The following YIPF6 variants were observed in gnomAD, a reference collection of about 807,000 sequenced individuals.
YIPF6 encodes the protein protein YIPF6.
YIPF6 carries 3 observed loss-of-function variants against 16.8 expected under a neutral mutation model. That is an observed-to-expected ratio of 0.18 (90% confidence interval 0.08 to 0.46). The LOEUF is 0.46. Ranked by LOEUF, YIPF6 falls within the 20% of genes least tolerant of loss-of-function variation. The pLI is 0.98. For missense variants in YIPF6, 145 were observed against 184.9 expected, an observed-to-expected ratio of 0.78 and a Z score of 1.25; for synonymous variants, 67 against 61.9, an observed-to-expected ratio of 1.08 and a Z score of -0.38.
At position 68,521,430 on chromosome X, in the gene YIPF6, G is replaced by C. The variant is rs1262536093; in HGVS notation, c.367G>C (p.Val123Leu). The change falls in exon 5 of 7, where the codon GTG becomes CTG. Residue 123 changes from valine (V) to leucine (L), a missense_variant. By Grantham distance (32) the Val-to-Leu change is conservative. Transcript: ENST00000462683. ...AGATGGAGGGCCCCAATTTGCAGAGGTGTTTGTCATTGTCTGGTTTGGTGC... is the reference window on the plus strand; with the variant it reads ...AGATGGAGGGCCCCAATTTGCAGAGCTGTTTGTCATTGTCTGGTTTGGTGC... ...EKDGGPQFAE[V>L]FVIVWFGAVT... 8.3e-7 allele frequency: 1 copy of C among 1,211,055 alleles called. No individual in the cohort carries two copies. The highest frequency in any genetic ancestry group is 1.7e-5 in the African/African-American group (1 of 57,758).
intron 6 of YIPF6, among the ~76,000 whole-genome samples, chrX:68,530,187 T>C (rs762121757): frequency 1.8e-5 from 2 of 111,154 alleles, no homozygotes; most frequent in African/African-American, 3.3e-5. Flanking sequence ...TCTAGAGAGG[T>C]AGTCTGGCTA....
intron 1 of YIPF6, among the ~76,000 whole-genome samples, chrX:68,502,485 C>G (rs1225978946): frequency 9.0e-6 from 1 of 111,286 alleles, no homozygotes; most frequent in Non-Finnish European, 1.9e-5. Flanking sequence ...GCTGCTGCTC[C>G]CAGTACCACA....
chrX:68,510,198 C>A (rs893060217), intron 1 of YIPF6, among the ~76,000 whole-genome samples: 2 of 111,604 alleles, frequency 1.8e-5, no homozygotes, highest in Non-Finnish European at 3.8e-5. Flanking sequence ...GTCTTTCCAG[C>A]TTCCTATATC....
At chrX:68,499,237 C>T (rs1389609937) in intron 1 of YIPF6, 114 bp downstream of exon 1, 1 of 965,934 alleles carries the variant, frequency 1.0e-6, no homozygotes, top group African/African-American at 2.0e-5. Flanking sequence ...CCGGCAGGCC[C>T]TTCTTGTACC....
Position 68,508,243 on chromosome X carries a change from G to A in YIPF6, c.58-3606G>A, listed in dbSNP as rs144792064. On this transcript the variant is annotated intron_variant, in intron 1 of 6. Coordinates refer to ENST00000462683, the MANE Select transcript of YIPF6 (RefSeq NM_173834.4). ...AGCCTTCTGAGTAGCTGGGACTAGA[G>A]GTGTGTGCCACCACTCCTGGCTAAT... 5.4e-3 allele frequency among the ~76,000 whole-genome samples: 586 copies of A among 108,782 alleles called. 30 individuals are homozygous for A. In the East Asian group the frequency reaches 0.14, roughly 26 times the overall value. The allele number at this position is 108,782 out of a possible 115,157, so 94.5% of individuals were successfully genotyped here. A position where few individuals can be genotyped will look rare whatever the true frequency, so the allele number is the denominator to read the frequency against.
rs1777562276 is a variant in YIPF6, at chrX:68,535,711, T to C, written c.*3712T>C. On this transcript the variant is annotated 3_prime_UTR_variant, in exon 7 of 7. Coordinates refer to ENST00000462683, the MANE Select transcript of YIPF6 (RefSeq NM_173834.4). ...GCTAACCTTTATTTGGCACTTACTG[T>C]GTGCCAGGCACTATTCTATTTTTTT... is the stretch of plus-strand genomic sequence containing the variant. 2 of 111,968 alleles carry C rather than the reference T, an allele frequency of 1.8e-5. No individual in the cohort carries two copies. Among genetic ancestry groups the C allele is most frequent in the African/African-American group, 3.2e-5 (1 of 30,846 alleles). 9.2% of individuals were successfully genotyped at this position (111,968 alleles called of 1,213,427 possible).
chrX:68,531,946 T>A lies in YIPF6; in HGVS notation c.658T>A (p.Phe220Ile), dbSNP rs765478008. The change falls in exon 7 of 7, where the codon TTC (phenylalanine) becomes ATC (isoleucine). Residue 220 changes from phenylalanine (F) to isoleucine (I), a missense_variant. Phe to Ile is a conservative substitution (Grantham distance 21, BLOSUM62 0). Transcript: ENST00000462683. ...CAGAGCCCTAGCTGTTTATCCTGTT[T>A]TCCTGTTTTACTTTGTCATCAGTTG... ...NRRALAVYPV[F>I]LFYFVISWMI... The A allele has an allele frequency of 8.3e-7, 1 of 1,206,863 alleles. No individual in the cohort carries two copies. Among genetic ancestry groups the A allele is most frequent in the Non-Finnish European group, 1.1e-6 (1 of 892,409 alleles).
At chrX:68,520,917 T>C (rs2079123027) in intron 4 of YIPF6, among the ~76,000 whole-genome samples, 1 of 111,730 alleles carries the variant, frequency 9.0e-6, no homozygotes, top group Admixed American at 9.6e-5. Flanking sequence ...TTACACTTGA[T>C]TGTTGCAGTG....
At chrX:68,521,763 AT>A (rs1031772343) in intron 5 of YIPF6, among the ~76,000 whole-genome samples, 65 of 103,905 alleles carry the variant, frequency 6.3e-4, no homozygotes, top group African/African-American at 1.5e-3. Flanking sequence ...AATTAAAAAA[AT>A]TTTTTTTTTT....
At chrX:68,527,373 T>G (rs1275542192) in intron 6 of YIPF6, among the ~76,000 whole-genome samples, 1 of 111,886 alleles carries the variant, frequency 8.9e-6, no homozygotes, top group Non-Finnish European at 1.9e-5. Context: ...TTTTCTTCTT[T>G]ATTAGTCTGG....
Position 68,505,756 on chromosome X carries a change from A to AT in YIPF6, c.58-6085dup, listed in dbSNP as rs899231953. Among the ~76,000 whole-genome samples, 17 of 111,566 alleles carry AT rather than the reference A, an allele frequency of 1.5e-4. 1 individual carries two copies. Among genetic ancestry groups the AT allele is most frequent in the African/African-American group, 5.5e-4 (17 of 30,787 alleles). On this transcript the variant is annotated intron_variant, in intron 1 of 6. Transcript: ENST00000462683. Reference sequence around the variant, plus strand: ...TCTATTATTTTATTGGTCTCACCACATTTTTTTTGGCCTTTTTATTTAAAA... The same window carrying AT: ...TCTATTATTTTATTGGTCTCACCACATTTTTTTTTGGCCTTTTTATTTAAAA...
chrX:68,501,501 A>G (rs192455965), intron 1 of YIPF6, among the ~76,000 whole-genome samples: 407 of 111,931 alleles, frequency 3.6e-3, no homozygotes, highest in Non-Finnish European at 6.5e-3. Context: ...GCAGATGAGG[A>G]TATGACATGC....
chrX:68,502,849 C>G (rs1449812846), intron 1 of YIPF6, among the ~76,000 whole-genome samples: 1 of 105,981 alleles, frequency 9.4e-6, no homozygotes, highest in Non-Finnish European at 1.9e-5. Context: ...TTTTTTGAGC[C>G]GGAGTTTTGC....
At chrX:68,499,188 G>A (rs2079031308) in intron 1 of YIPF6, 65 bp downstream of exon 1, 1 of 1,124,985 alleles carries the variant, frequency 8.9e-7, no homozygotes, top group Non-Finnish European at 1.2e-6. Context: ...AAGAAGTCGG[G>A]GGACGGGCTC....
At position 68,535,554 on chromosome X, in the gene YIPF6, T is replaced by C. The variant is rs893302407; in HGVS notation, c.*3555T>C. The C allele has an allele frequency of 1.8e-5, 2 of 111,847 alleles. No homozygotes were observed. Among genetic ancestry groups the C allele is most frequent in the African/African-American group, 6.5e-5 (2 of 30,765 alleles). 9.2% of individuals were successfully genotyped at this position (111,847 alleles called of 1,213,427 possible). On this transcript the variant is annotated 3_prime_UTR_variant, in exon 7 of 7. Transcript: ENST00000462683. ...TGGAAATAAATGTATAAATGTTAAT[T>C]CATGTATATAAATTAGAAACACTTT... is the stretch of plus-strand genomic sequence containing the variant.
In YIPF6 at chrX:68,533,143, G is replaced by A. The variant is rs1451974366; in HGVS notation, c.*1144G>A. ...CTCATTAGATGTGTTTTTTTGGGTT[G>A]GGGAATAGCAATTTATTTTATTGAT... On this transcript the variant is annotated 3_prime_UTR_variant, in exon 7 of 7. Coordinates refer to ENST00000462683, the MANE Select transcript of YIPF6 (RefSeq NM_173834.4). The A allele has an allele frequency of 3.6e-5, 4 of 111,666 alleles. No individual in the cohort carries two copies. The highest frequency in any genetic ancestry group is 9.5e-5 in the Admixed American group (1 of 10,483). The allele number at this position is 111,666 out of a possible 1,213,427, so 9.2% of individuals were successfully genotyped here. A position where few individuals can be genotyped will look rare whatever the true frequency, so the allele number is the denominator to read the frequency against.
In YIPF6 at chrX:68,532,771, TCC is replaced by T. The variant is rs923632719; in HGVS notation, c.*773_*774del. The T allele has an allele frequency of 1.8e-5, 2 of 112,016 alleles. No individual in the cohort carries two copies. Among genetic ancestry groups the T allele is most frequent in the African/African-American group, 6.5e-5 (2 of 30,882 alleles). 9.2% of individuals were successfully genotyped at this position (112,016 alleles called of 1,213,427 possible). Reference sequence around the variant, plus strand: ...AATGTCAGTAGTCAACATGTAATTTTCCTTTGAAATTCTGAATATTCCAGTGC... The same window carrying T: ...AATGTCAGTAGTCAACATGTAATTTTTTTGAAATTCTGAATATTCCAGTGC... On this transcript the variant is annotated 3_prime_UTR_variant, in exon 7 of 7. Coordinates refer to ENST00000462683, the MANE Select transcript of YIPF6 (RefSeq NM_173834.4).
At chrX:68,511,678 A>G (rs1156856475) in intron 1 of YIPF6, 171 bp from the exon 2 acceptor site, 2 of 422,817 alleles carry the variant, frequency 4.7e-6, no homozygotes, top group African/African-American at 2.6e-5. Flanking sequence ...TAAAGAAATA[A>G]ATTTGAGGAT....
intron 6 of YIPF6, among the ~76,000 whole-genome samples, chrX:68,530,644 G>T (rs949576938): frequency 9.0e-6 from 1 of 111,009 alleles, no homozygotes; most frequent in African/African-American, 3.3e-5. Flanking sequence ...AGACCATGGG[G>T]AAAGTGTAGT....
Sources: allele counts gnomAD v4.1 joint callset (sites outside exome capture counted in the v4.1 genomes callset), GRCh38; gene constraint gnomAD v4.1.1; transcripts MANE v1.5; gene names NCBI Gene and HGNC (gene_info 2026-07-23, HGNC 2026-07-21).